KCNH8: variants seen among roughly 807,000 people sequenced by gnomAD.
KCNH8 encodes potassium voltage-gated channel subfamily H member 8, also known as voltage-gated delayed rectifier potassium channel KCNH8.
A neutral mutation model predicts 103.6 loss-of-function variants in KCNH8; 70 were observed. The observed-to-expected ratio is 0.68, with a 90% CI of 0.56 to 0.82. The LOEUF (loss-of-function observed/expected upper bound fraction) is 0.82, where lower values mean the gene tolerates loss of function less well. KCNH8 is among the 40% of genes least tolerant of loss of function. The probability of loss-of-function intolerance (pLI) is 0.00; values close to 1 mark genes in which losing one functional copy is unlikely to be tolerated. For missense variants in KCNH8, 1,217 were observed against 1,329.9 expected, an observed-to-expected ratio of 0.92 and a Z score of 1.32; for synonymous variants, 498 against 489.4, an observed-to-expected ratio of 1.02 and a Z score of -0.23.
chr3:19,312,772 G>A lies in KCNH8; in HGVS notation c.443-29815G>A, dbSNP rs188604913. Among the ~76,000 whole-genome samples the A allele has an allele frequency of 8.4e-4, 128 of 151,822 alleles. 1 individual carries two copies. The highest frequency in any genetic ancestry group is 1.5e-3 in the Non-Finnish European group (101 of 67,852). ...AAAGAGCTTGCTCCACTGCTTTTAC[G>A]GATCATAACTTTGAAACTGTGGAAA... On this transcript the variant is annotated intron_variant, in intron 3 of 15. Transcript: ENST00000328405.
At chr3:19,312,097 A>C (rs2065215543) in intron 3 of KCNH8, among the ~76,000 whole-genome samples, 1 of 151,942 alleles carries the variant, frequency 6.6e-6, no homozygotes. Flanking sequence ...TGTGGAATTA[A>C]TATATTAACC....
intron 3 of KCNH8, among the ~76,000 whole-genome samples, chr3:19,312,188 G>A (rs963126809): frequency 8.6e-5 from 13 of 151,812 alleles, no homozygotes; most frequent in African/African-American, 2.7e-4. Flanking sequence ...AACTTCATTC[G>A]AAATTATAAT....
chr3:19,473,204 T>G (rs1343473380), intron 11 of KCNH8, among the ~76,000 whole-genome samples: 1 of 152,240 alleles, frequency 6.6e-6, no homozygotes, highest in Non-Finnish European at 1.5e-5. Flanking sequence ...AGAAATGGGT[T>G]AGTCTTCTTC....
intron 1 of KCNH8, among the ~76,000 whole-genome samples, chr3:19,204,622 G>A (rs1020383748): frequency 6.6e-5 from 10 of 151,678 alleles, no homozygotes; most frequent in Admixed American, 3.3e-4. Flanking sequence ...GGGGAGGGAA[G>A]CATAATGTAT....
At chr3:19,426,392 G>C (rs17005949) in intron 7 of KCNH8, among the ~76,000 whole-genome samples, 8,509 of 151,872 alleles carry the variant, frequency 0.056, 507 homozygotes, top group East Asian at 0.2. Flanking sequence ...TTCCAAATTA[G>C]TAGGTCAAGA....
chr3:19,417,407 C>A (rs2066880538), intron 7 of KCNH8, among the ~76,000 whole-genome samples: 1 of 151,026 alleles, frequency 6.6e-6, no homozygotes, highest in Non-Finnish European at 1.5e-5. Context: ...AGTTATCTAC[C>A]CATAAAAGGC....
At chr3:19,359,254 C>A (rs147743833) in intron 5 of KCNH8, among the ~76,000 whole-genome samples, 1 of 150,936 alleles carries the variant, frequency 6.6e-6, no homozygotes, top group Non-Finnish European at 1.5e-5. Flanking sequence ...AAATTTAAGA[C>A]GAAGATACTA....
At chr3:19,503,123 G>A (rs1285981342) in intron 11 of KCNH8, among the ~76,000 whole-genome samples, 2 of 116,216 alleles carry the variant, frequency 1.7e-5, no homozygotes, top group Non-Finnish European at 3.8e-5. Flanking sequence ...CAAAGGACAT[G>A]AACAGACACT....
Position 19,244,565 on chromosome 3 carries a change from A to T in KCNH8, c.77-9089A>T, listed in dbSNP as rs554302708. Among the ~76,000 whole-genome samples the T allele has an allele frequency of 1.3e-3, 200 of 152,308 alleles. 1 individual carries two copies. The highest frequency in any genetic ancestry group is 4.5e-3 in the African/African-American group (187 of 41,562). On this transcript the variant is annotated intron_variant, in intron 1 of 15. Coordinates refer to ENST00000328405, the MANE Select transcript of KCNH8 (RefSeq NM_144633.3). ...TCCAAACTGCTTTCCACAGTGGCTG[A>T]ACTAATCTACATTCCAACCAACAAT...
At position 19,356,195 on chromosome 3, in the gene KCNH8, T is replaced by C. The variant is rs147284303; in HGVS notation, c.811+8230T>C. Among the ~76,000 whole-genome samples, 289 of 152,078 alleles carry C rather than the reference T, an allele frequency of 1.9e-3. 5 individuals carry two copies. The highest frequency in any genetic ancestry group is 6.7e-3 in the African/African-American group (278 of 41,532). Reference sequence around the variant, plus strand: ...AGGACCCACAGTCAATTTTGGGAGATGATATATCTCTTTTGGAGAGTCACA... The same window carrying C: ...AGGACCCACAGTCAATTTTGGGAGACGATATATCTCTTTTGGAGAGTCACA... On this transcript the variant is annotated intron_variant, in intron 5 of 15. Transcript: ENST00000328405.
intron 1 of KCNH8, among the ~76,000 whole-genome samples, chr3:19,223,900 A>AT (rs1027915499): frequency 3.9e-5 from 6 of 152,140 alleles, no homozygotes; most frequent in African/African-American, 1.4e-4. Context: ...AATCTTTAAT[A>AT]TTTTTTTCTG....
intron 1 of KCNH8, among the ~76,000 whole-genome samples, chr3:19,219,687 A>C (rs1389361827): frequency 6.6e-6 from 1 of 152,162 alleles, no homozygotes; most frequent in Non-Finnish European, 1.5e-5. Context: ...GCAAATTCTT[A>C]TGGGTGCTTG....
chr3:19,289,540 A>T (rs989075450), intron 3 of KCNH8, among the ~76,000 whole-genome samples: 6 of 152,114 alleles, frequency 3.9e-5, no homozygotes, highest in Admixed American at 6.5e-5. Context: ...AGTTGTAGAT[A>T]TGCAGCATTA....
chr3:19,413,188 CA>C (rs2066809332), intron 7 of KCNH8, among the ~76,000 whole-genome samples: 1 of 140,190 alleles, frequency 7.1e-6, no homozygotes, highest in Non-Finnish European at 1.5e-5. Context: ...ATCACATAGC[CA>C]AAAAGAAAAA....
intron 2 of KCNH8, among the ~76,000 whole-genome samples, chr3:19,265,324 G>A (rs2064492456): frequency 6.6e-6 from 1 of 152,062 alleles, no homozygotes; most frequent in Non-Finnish European, 1.5e-5. Flanking sequence ...AAGTGCAGAT[G>A]CCTTTGTTAA....
At chr3:19,506,302 T>C (rs2068691648) in intron 11 of KCNH8, among the ~76,000 whole-genome samples, 1 of 152,166 alleles carries the variant, frequency 6.6e-6, no homozygotes, top group Non-Finnish European at 1.5e-5. Context: ...CCTTTAACTG[T>C]GGTGTAATTT....
intron 5 of KCNH8, among the ~76,000 whole-genome samples, chr3:19,372,824 G>A (rs1416054782): frequency 1.3e-5 from 2 of 152,036 alleles, no homozygotes; most frequent in Non-Finnish European, 2.9e-5. Context: ...AGCATGAAGG[G>A]TTGTTGAATT....
intron 1 of KCNH8, among the ~76,000 whole-genome samples, chr3:19,159,416 C>T (rs183742899): frequency 1.8e-4 from 27 of 151,768 alleles, no homozygotes; most frequent in Admixed American, 1.3e-3. Context: ...TTTTCTTGGA[C>T]GTGTATATTA....
chr3:19,532,675 T>A (rs1201680869), intron 15 of KCNH8, among the ~76,000 whole-genome samples: 1 of 152,216 alleles, frequency 6.6e-6, no homozygotes, highest in Non-Finnish European at 1.5e-5. Context: ...CTATCATGCA[T>A]CCCATTCATC....
Sources: allele counts gnomAD v4.1 joint callset (sites outside exome capture counted in the v4.1 genomes callset), GRCh38; gene constraint gnomAD v4.1.1; transcripts MANE v1.5; gene names NCBI Gene and HGNC (gene_info 2026-07-23, HGNC 2026-07-21).